SYCP1: variants seen among roughly 807,000 people sequenced by gnomAD.
The protein encoded by SYCP1 is cancer/testis antigen 8.
In SYCP1, 64 loss-of-function variants were observed where a neutral mutation model predicts 153.1. That is an observed-to-expected ratio of 0.42 (90% confidence interval 0.34 to 0.51). SYCP1 has a LOEUF of 0.51. Ranked by LOEUF, SYCP1 falls within the 20% of genes least tolerant of loss-of-function variation. The pLI is 0.06. For synonymous variants in SYCP1, 384 were observed against 341.8 expected (o/e 1.12, Z -1.36); for missense variants, 997 against 1,049.0 (o/e 0.95, Z 0.68).
At chr1:114,987,833 G>A (rs991874484) in intron 30 of SYCP1, among the ~76,000 whole-genome samples, 3 of 151,688 alleles carry the variant, frequency 2.0e-5, no homozygotes, top group Admixed American at 6.6e-5. Context: ...CTGTCTTAAA[G>A]TAGCTCAAAT....
In SYCP1 at chr1:114,857,500, C is replaced by A; in HGVS notation, c.291+3C>A. 1 of 1,587,580 alleles carries A rather than the reference C, an allele frequency of 6.3e-7. No individual in the cohort carries two copies. Among genetic ancestry groups the A allele is most frequent in the South Asian group, 1.2e-5 (1 of 85,468 alleles). ...GACTAAAAGACTCTGATTTGGAGGTCAGAAGATTTCCCATTCATATTAAAT... is the reference window on the plus strand; with the variant it reads ...GACTAAAAGACTCTGATTTGGAGGTAAGAAGATTTCCCATTCATATTAAAT... On this transcript the variant is annotated splice_donor_region_variant and intron_variant, in intron 5 of 31. Transcript: ENST00000369522.
chr1:114,933,928 C>T (rs904342602), intron 23 of SYCP1, among the ~76,000 whole-genome samples: 5 of 152,172 alleles, frequency 3.3e-5, no homozygotes, highest in Admixed American at 3.3e-4. Context: ...ACCAAATCTA[C>T]GTCTGATTGG....
intron 15 of SYCP1, among the ~76,000 whole-genome samples, chr1:114,889,839 T>C (rs1219294460): frequency 6.6e-6 from 1 of 152,212 alleles, no homozygotes; most frequent in Non-Finnish European, 1.5e-5. Flanking sequence ...GTTTTAGGTC[T>C]TACATTTAAG....
In SYCP1 at chr1:114,889,273, A is replaced by T. The variant is rs564450510; in HGVS notation, c.1258+1580A>T. Among the ~76,000 whole-genome samples, 142 of 152,278 alleles carry T rather than the reference A, an allele frequency of 9.3e-4. 1 individual carries two copies. Among genetic ancestry groups the T allele is most frequent in the Non-Finnish European group, 1.2e-3 (81 of 68,000 alleles). ...ATTTCTAGTTCTAGATCCTTGAGGA[A>T]TCGCCTCACTGTCTTCCACAATGGT... On this transcript the variant is annotated intron_variant, in intron 15 of 31. Transcript: ENST00000369522.
intron 23 of SYCP1, among the ~76,000 whole-genome samples, chr1:114,936,528 A>G (rs1379227814): frequency 2.0e-5 from 3 of 152,182 alleles, no homozygotes; most frequent in African/African-American, 7.2e-5. Flanking sequence ...CTCCCATTCA[A>G]CATAGTGTTG....
chr1:114,860,936 C>G (rs1253680151), intron 8 of SYCP1, 127 bp downstream of exon 8: 4 of 633,942 alleles, frequency 6.3e-6, no homozygotes, highest in African/African-American at 5.7e-5. Context: ...GTGCCTCAGA[C>G]TATTTTTATA....
At chr1:114,960,630 A>G (rs1162634306) in intron 27 of SYCP1, among the ~76,000 whole-genome samples, 1 of 152,044 alleles carries the variant, frequency 6.6e-6, no homozygotes, top group Non-Finnish European at 1.5e-5. Context: ...ATCTCATTGT[A>G]GTTTTGATTT....
intron 27 of SYCP1, among the ~76,000 whole-genome samples, chr1:114,973,762 C>T (rs552761410): frequency 6.6e-6 from 1 of 151,890 alleles, no homozygotes; most frequent in East Asian, 1.9e-4. Context: ...TGTAAGCTGG[C>T]TTTACCATCT....
intron 13 of SYCP1, 119 bp from the exon 14 acceptor site, chr1:114,886,006 A>C (rs1283976334): frequency 1.6e-6 from 1 of 620,594 alleles, no homozygotes; most frequent in Non-Finnish European, 2.6e-6. Context: ...AGGAAGGAGG[A>C]ATAATAGGAA....
At chr1:114,950,025 A>C (rs1249004002) in intron 27 of SYCP1, among the ~76,000 whole-genome samples, 1 of 152,194 alleles carries the variant, frequency 6.6e-6, no homozygotes. Flanking sequence ...AGATTGTTTT[A>C]TTCAAAATGT....
intron 16 of SYCP1, among the ~76,000 whole-genome samples, chr1:114,902,239 C>A (rs769367024): frequency 7.9e-5 from 12 of 152,126 alleles, no homozygotes; most frequent in Non-Finnish European, 1.6e-4. Context: ...TTTCCTCTAT[C>A]CTCAGAAGAA....
intron 29 of SYCP1, among the ~76,000 whole-genome samples, chr1:114,982,130 G>A (rs1051307320): frequency 6.6e-5 from 10 of 151,898 alleles, no homozygotes; most frequent in South Asian, 6.2e-4. Flanking sequence ...CCTCTCTCTC[G>A]TTTCCTTTTC....
At chr1:114,945,405 A>T (rs2101823407) in intron 25 of SYCP1, among the ~76,000 whole-genome samples, 1 of 152,112 alleles carries the variant, frequency 6.6e-6, no homozygotes, top group Non-Finnish European at 1.5e-5. Flanking sequence ...TTTTTGTCTT[A>T]TATTTTTAAT....
chr1:114,981,290 T>C, intron 28 of SYCP1, 46 bp from the exon 29 acceptor site: 1 of 1,367,450 alleles, frequency 7.3e-7, no homozygotes, highest in East Asian at 2.5e-5. Flanking sequence ...AAATAATTAA[T>C]GTGACATTTA....
intron 23 of SYCP1, among the ~76,000 whole-genome samples, chr1:114,935,995 C>A (rs1235256349): frequency 6.6e-6 from 1 of 152,174 alleles, no homozygotes; most frequent in Non-Finnish European, 1.5e-5. Flanking sequence ...TGGTACCATT[C>A]CTTCTGAAAC....
chr1:114,947,440 A>G (rs1025637834), intron 27 of SYCP1, 120 bp downstream of exon 27: 33 of 684,244 alleles, frequency 4.8e-5, no homozygotes, highest in African/African-American at 7.3e-5. Flanking sequence ...TGAGAAAATA[A>G]TTTTCCCCCA....
chr1:114,861,799 CTTTT>C (rs1334859101), intron 8 of SYCP1, among the ~76,000 whole-genome samples: 1 of 129,902 alleles, frequency 7.7e-6, no homozygotes, highest in Non-Finnish European at 1.7e-5. Flanking sequence ...TTTTTTTATT[CTTTT>C]TTTTTTTTTT....
intron 8 of SYCP1, among the ~76,000 whole-genome samples, chr1:114,872,957 C>T (rs531696786): frequency 1.3e-5 from 2 of 152,140 alleles, no homozygotes; most frequent in African/African-American, 2.4e-5. Context: ...ACCCACAAGC[C>T]CTTCATTTCT....
chr1:114,893,662 G>A (rs965600691), intron 15 of SYCP1, among the ~76,000 whole-genome samples: 3 of 151,910 alleles, frequency 2.0e-5, no homozygotes, highest in African/African-American at 7.3e-5. Context: ...TTCACAAATT[G>A]TTGGTACCTG....
Sources: allele counts gnomAD v4.1 joint callset (sites outside exome capture counted in the v4.1 genomes callset), GRCh38; gene constraint gnomAD v4.1.1; transcripts MANE v1.5; gene names NCBI Gene and HGNC (gene_info 2026-07-23, HGNC 2026-07-21).